Variants in CSMD1 observed in about 807,000 individuals in gnomAD.
CSMD1 encodes the protein CUB and Sushi multiple domains 1, also known as CUB and sushi domain-containing protein 1.
Under a neutral mutation model 417.5 loss-of-function variants are expected in CSMD1, and 213 were observed. That is an observed-to-expected ratio of 0.51 (90% CI 0.46 to 0.57). The LOEUF is 0.57. Ranked by LOEUF, CSMD1 falls within the 20% of genes least tolerant of loss-of-function variation. The pLI is 0.00. For missense variants in CSMD1, 6,923 were observed against 4,529.7 expected, an observed-to-expected ratio of 1.53 and a Z score of -15.17; for synonymous variants, 2,862 against 1,736.8, an observed-to-expected ratio of 1.65 and a Z score of -16.11.
intron 1 of CSMD1, among the ~76,000 whole-genome samples, chr8:4,872,858 A>G (rs1255707379): frequency 1.3e-5 from 2 of 152,068 alleles, no homozygotes; most frequent in Non-Finnish European, 2.9e-5. Flanking sequence ...CTTGCTGGAT[A>G]TTGGCTCATA....
At chr8:4,396,899 G>A (rs769920615) in intron 3 of CSMD1, among the ~76,000 whole-genome samples, 2 of 151,994 alleles carry the variant, frequency 1.3e-5, no homozygotes, top group Non-Finnish European at 2.9e-5. Context: ...GGAGGCAGAT[G>A]GGAAACAAAA....
At chr8:4,793,005 T>C (rs1797776052) in intron 1 of CSMD1, among the ~76,000 whole-genome samples, 1 of 150,888 alleles carries the variant, frequency 6.6e-6, no homozygotes, top group Non-Finnish European at 1.5e-5. Context: ...TATATATATA[T>C]ATCTCCACAC....
intron 1 of CSMD1, among the ~76,000 whole-genome samples, chr8:4,889,654 T>C (rs759937273): frequency 1.3e-5 from 2 of 152,042 alleles, no homozygotes; most frequent in Admixed American, 1.3e-4. Flanking sequence ...ACTGCAAATA[T>C]AAGGTTTTAT....
rs769839990 is a variant in CSMD1, at chr8:3,018,528, T to G, written c.7978A>C (p.Arg2660=). The G allele has an allele frequency of 1.9e-6, 3 of 1,613,870 alleles. No individual in the cohort carries two copies. In the Admixed American group the frequency reaches 5.0e-5, roughly 27 times the overall value. The change falls in exon 52 of 70, where the codon AGA becomes CGA. Residue 2660 remains arginine (R), a synonymous_variant. Transcript: ENST00000635120. ...CAGAGCCCATTTGCCAAGCACTCTC[T>G]GACATGAGACCCCACAAGCGTGTAG... The part of the protein sequence containing the change: ...TGYTLVGSHV[R]ECLANGLWSG...
rs531484687 is a variant in CSMD1, at chr8:2,961,436, T to G, written c.9629-222A>C. 2.0e-5 allele frequency among the ~76,000 whole-genome samples: 3 copies of G among 152,310 alleles called. No homozygotes were observed. In the South Asian group the frequency reaches 6.2e-4, roughly 32 times the overall value. ...TTAGACTTTAAGTAGTTCAGTATGT[T>G]CTTCTTATATAAGAATAAGTGCATT... On this transcript the variant is annotated intron_variant, in intron 61 of 69. Transcript: ENST00000635120.
rs184714243 is a variant in CSMD1 at position 4,087,425 on chromosome 8, C to T, written c.416-55326G>A. ...GCATTTTGAGCAGATGCTCTTAATT[C>T]TCTCAATGTTAAATTAAGTAGAAAC... On this transcript the variant is annotated intron_variant, in intron 3 of 69. Transcript: ENST00000635120. Among the ~76,000 whole-genome samples the T allele has an allele frequency of 3.3e-5, 5 of 152,330 alleles. No homozygotes were observed. In the East Asian group the frequency reaches 5.8e-4, roughly 18 times the overall value.
intron 7 of CSMD1, among the ~76,000 whole-genome samples, chr8:3,684,806 G>C (rs939238921): frequency 2.6e-5 from 4 of 152,094 alleles, no homozygotes; most frequent in East Asian, 3.9e-4. Context: ...CATTCTCCTT[G>C]CTATAGATCA....
intron 5 of CSMD1, among the ~76,000 whole-genome samples, chr8:3,896,264 A>C (rs1431932110): frequency 6.6e-6 from 1 of 152,154 alleles, no homozygotes; most frequent in Non-Finnish European, 1.5e-5. Context: ...TCCTTCCAGA[A>C]CTTGTATCTG....
intron 55 of CSMD1, among the ~76,000 whole-genome samples, chr8:2,978,367 C>T (rs1256101064): frequency 6.6e-6 from 1 of 152,194 alleles, no homozygotes; most frequent in African/African-American, 2.4e-5. Flanking sequence ...GTCCAAGTGG[C>T]ATCCAATAAC....
At chr8:3,600,382 G>A (rs112076975) in intron 8 of CSMD1, among the ~76,000 whole-genome samples, 1 of 152,094 alleles carries the variant, frequency 6.6e-6, no homozygotes, top group Non-Finnish European at 1.5e-5. Flanking sequence ...CATCTAACTA[G>A]CTACTCTATT....
At chr8:4,879,595 T>G (rs1803268138) in intron 1 of CSMD1, among the ~76,000 whole-genome samples, 1 of 151,312 alleles carries the variant, frequency 6.6e-6, no homozygotes, top group Admixed American at 6.6e-5. Flanking sequence ...AAGAAGAAAA[T>G]AAGGAGACTG....
At chr8:3,126,062 T>C (rs1034227523) in intron 41 of CSMD1, among the ~76,000 whole-genome samples, 1 of 152,164 alleles carries the variant, frequency 6.6e-6, no homozygotes, top group Non-Finnish European at 1.5e-5. Context: ...TGAAGTAGTT[T>C]TGCAAAATAG....
At chr8:3,324,807 C>A (rs116340855) in intron 23 of CSMD1, among the ~76,000 whole-genome samples, 167 of 152,268 alleles carry the variant, frequency 1.1e-3, no homozygotes, top group African/African-American at 3.9e-3. Context: ...TTGGCATTTA[C>A]TATTGAATGG....
intron 4 of CSMD1, among the ~76,000 whole-genome samples, chr8:4,017,162 T>C (rs1462160048): frequency 6.6e-6 from 1 of 152,206 alleles, no homozygotes; most frequent in Non-Finnish European, 1.5e-5. Flanking sequence ...CAATACACTT[T>C]TGTGTATGTT....
At chr8:3,562,764 A>C (rs542194026) in intron 10 of CSMD1, among the ~76,000 whole-genome samples, 2 of 151,424 alleles carry the variant, frequency 1.3e-5, no homozygotes, top group South Asian at 4.2e-4. Flanking sequence ...TACGGAGCCT[A>C]TTGGAGGGTG....
chr8:4,836,264 G>C (rs778900602), intron 1 of CSMD1, among the ~76,000 whole-genome samples: 1 of 152,066 alleles, frequency 6.6e-6, no homozygotes, highest in Admixed American at 6.5e-5. Context: ...AAATTATAAC[G>C]TGAAGACTAA....
At chr8:3,939,271 A>G (rs1275087374) in intron 5 of CSMD1, among the ~76,000 whole-genome samples, 1 of 152,140 alleles carries the variant, frequency 6.6e-6, no homozygotes, top group Non-Finnish European at 1.5e-5. Context: ...GCTCAACATC[A>G]TTAATTATCA....
rs1430178585 is a variant in CSMD1, at chr8:4,143,717, G to C, written c.416-111618C>G. Among the ~76,000 whole-genome samples the C allele has an allele frequency of 1.3e-5, 2 of 151,006 alleles. 1 individual carries two copies. The highest frequency in any genetic ancestry group is 5.0e-5 in the African/African-American group (2 of 40,400). ...AAGATACACAAAGTAACAAAGGAAA[G>C]AAACATAGGAAGGAAGCTGTGAAAG... is the stretch of plus-strand genomic sequence containing the variant. On this transcript the variant is annotated intron_variant, in intron 3 of 69. Coordinates refer to ENST00000635120, the MANE Select transcript of CSMD1 (RefSeq NM_033225.6).
intron 5 of CSMD1, among the ~76,000 whole-genome samples, chr8:3,946,366 G>A (rs1217875539): frequency 1.3e-5 from 2 of 152,012 alleles, no homozygotes; most frequent in Non-Finnish European, 2.9e-5. Flanking sequence ...TCACGTATGT[G>A]CTGGCCTGTC....
Sources: gnomAD v4.1 joint callset for allele counts (sites outside exome capture counted in the v4.1 genomes callset) on GRCh38, gnomAD v4.1.1 for gene constraint, MANE v1.5 for transcripts, NCBI Gene and HGNC (gene_info 2026-07-23, HGNC 2026-07-21) for gene names.